Variants in PRKN observed in about 807,000 individuals in gnomAD.
PRKN encodes the protein E3 ubiquitin-protein ligase parkin.
A neutral mutation model predicts 59.5 loss-of-function variants in PRKN; 56 were observed. That is an observed-to-expected ratio of 0.94 (90% CI 0.76 to 1.18). The LOEUF (loss-of-function observed/expected upper bound fraction) is 1.18. Among genes scored for constraint, PRKN ranks in the 50% most tolerant of loss-of-function variants. The probability of loss-of-function intolerance (pLI) is 0.00; values close to 1 mark genes in which losing one functional copy is unlikely to be tolerated. For missense variants in PRKN, 657 were observed against 596.4 expected (o/e 1.10, Z -1.06); for synonymous variants, 250 against 222.1 (o/e 1.13, Z -1.12).
intron 1 of PRKN, among the ~76,000 whole-genome samples, chr6:162,707,722 A>G (rs1778387661): frequency 1.3e-5 from 2 of 152,176 alleles, no homozygotes; most frequent in Admixed American, 1.3e-4. Context: ...CTACAGGTGC[A>G]AGCCACCACG....
intron 4 of PRKN, among the ~76,000 whole-genome samples, chr6:162,114,176 C>T (rs1293251539): frequency 5.9e-5 from 9 of 152,014 alleles, no homozygotes; most frequent in Middle Eastern, 3.2e-3. Context: ...TCTTTTGGCT[C>T]AGGATTGACT....
chr6:162,510,893 A>C (rs2128190362), intron 1 of PRKN, among the ~76,000 whole-genome samples: 1 of 152,192 alleles, frequency 6.6e-6, no homozygotes, highest in African/African-American at 2.4e-5. Flanking sequence ...ACTGCACTCC[A>C]CCCTGGGCAA....
intron 2 of PRKN, among the ~76,000 whole-genome samples, chr6:162,296,348 T>C (rs946166794): frequency 3.3e-5 from 5 of 151,888 alleles, no homozygotes; most frequent in Admixed American, 6.6e-5. Flanking sequence ...CAGCCTCTAC[T>C]GCAGGAGAGG....
At position 161,410,903 on chromosome 6, in the gene PRKN, C is replaced by T. The variant is rs920582158; in HGVS notation, c.1084-24026G>A. Among the ~76,000 whole-genome samples the T allele has an allele frequency of 2.6e-5, 4 of 152,068 alleles. No individual in the cohort carries two copies. Among genetic ancestry groups the T allele is most frequent in the Non-Finnish European group, 4.4e-5 (3 of 68,024 alleles). ...CATAAGAATAACAGAAAGGGCCACT[C>T]GATGGTTTGATCATGTTTACAAAAT... On this transcript the variant is annotated intron_variant, in intron 9 of 11. Transcript: ENST00000366898. This position sits in a 1 kb window ranked among gnomAD's most constrained non-coding sequence, Gnocchi z 5.3.
chr6:161,590,588 C>T (rs778252354), intron 7 of PRKN, among the ~76,000 whole-genome samples: 40 of 152,002 alleles, frequency 2.6e-4, no homozygotes, highest in Non-Finnish European at 4.4e-4. Flanking sequence ...CAAAAATTAG[C>T]CAGATGTGGT....
rs60749549 is a variant in PRKN, at chr6:162,178,986, C to T, written c.534+22145G>A. On this transcript the variant is annotated intron_variant, in intron 4 of 11. Transcript: ENST00000366898. Reference sequence around the variant, plus strand: ...TCCTGGCCTCGAGCGATCCTCCCACCTTTGCCTCTTGGGTAGCAGGGACTA... The same window carrying T: ...TCCTGGCCTCGAGCGATCCTCCCACTTTTGCCTCTTGGGTAGCAGGGACTA... 5.8e-3 allele frequency among the ~76,000 whole-genome samples: 878 copies of T among 152,276 alleles called. 12 individuals carry two copies. The highest frequency in any genetic ancestry group is 0.02 in the African/African-American group (845 of 41,556).
intron 6 of PRKN, among the ~76,000 whole-genome samples, chr6:161,956,245 CTCT>C (rs2128247166): frequency 6.6e-6 from 1 of 152,338 alleles, no homozygotes; most frequent in African/African-American, 2.4e-5. Flanking sequence ...AGGGCCTGTG[CTCT>C]TGATTCCAGC....
In PRKN at chr6:161,409,409, T is replaced by C. The variant is rs1281235085; in HGVS notation, c.1084-22532A>G. Among the ~76,000 whole-genome samples, 1 of 152,132 alleles carries C rather than the reference T, an allele frequency of 6.6e-6. No homozygotes were observed. The highest frequency in any genetic ancestry group is 2.4e-5 in the African/African-American group (1 of 41,418). The stretch of plus-strand genomic sequence containing the variant: ...CTGAGTAGGATTTTCCAGAAGAAAT[T>C]ACCAAATGGCACACAAAAACGCAGT... On this transcript the variant is annotated intron_variant, in intron 9 of 11. Coordinates refer to ENST00000366898, the MANE Select transcript of PRKN (RefSeq NM_004562.3). This position sits in a 1 kb window ranked among gnomAD's most constrained non-coding sequence, Gnocchi z 4.6.
chr6:161,967,527 T>C (rs766008995), intron 6 of PRKN, among the ~76,000 whole-genome samples: 1 of 152,204 alleles, frequency 6.6e-6, no homozygotes, highest in Non-Finnish European at 1.5e-5. Flanking sequence ...CTTTGTGGCA[T>C]TAGAGCACTT....
chr6:162,063,787 C>T (rs1275069500), intron 4 of PRKN, among the ~76,000 whole-genome samples: 3 of 152,312 alleles, frequency 2.0e-5, no homozygotes, highest in African/African-American at 2.4e-5. Flanking sequence ...TCAAAAGATC[C>T]GCCTGCCTTG....
intron 3 of PRKN, among the ~76,000 whole-genome samples, chr6:162,237,265 A>C (rs1358253542): frequency 1.3e-5 from 2 of 152,210 alleles, no homozygotes; most frequent in Non-Finnish European, 2.9e-5. Flanking sequence ...AAAGAATTTT[A>C]AATCATGAAA....
chr6:161,778,427 C>A (rs926440837), intron 7 of PRKN, among the ~76,000 whole-genome samples: 2 of 152,088 alleles, frequency 1.3e-5, no homozygotes, highest in Non-Finnish European at 1.5e-5. Context: ...TGAAAGGAAC[C>A]GATGGCTTTA....
chr6:161,548,759 G>A lies in PRKN; in HGVS notation c.1083+95C>T. Reference sequence around the variant, plus strand: ...GTTCAAAGATGTCTAAGTCCAAAGGGAAAATGAAAATAAAATAAAAATATA... The same window carrying A: ...GTTCAAAGATGTCTAAGTCCAAAGGAAAAATGAAAATAAAATAAAAATATA... On this transcript the variant is annotated intron_variant, in intron 9 of 11. Coordinates refer to ENST00000366898, the MANE Select transcript of PRKN (RefSeq NM_004562.3). The surrounding 1 kb of genome is among the most constrained non-coding windows in gnomAD (Gnocchi z 4.2). 1 of 1,197,248 alleles carries A rather than the reference G, an allele frequency of 8.4e-7. No homozygotes were observed. Among genetic ancestry groups the A allele is most frequent in the Non-Finnish European group, 1.2e-6 (1 of 827,066 alleles). The allele number at this position is 1,197,248 out of a possible 1,614,324, so 74.2% of individuals were successfully genotyped here. A position where few individuals can be genotyped will look rare whatever the true frequency, so the allele number is the denominator to read the frequency against.
At chr6:161,534,062 C>G (rs1779321658) in intron 9 of PRKN, among the ~76,000 whole-genome samples, 1 of 152,066 alleles carries the variant, frequency 6.6e-6, no homozygotes, top group Admixed American at 6.6e-5. Flanking sequence ...CCTGGAAGCC[C>G]TTGCCTGGCC....
intron 6 of PRKN, among the ~76,000 whole-genome samples, chr6:161,913,192 A>T (rs968527441): frequency 6.8e-6 from 1 of 147,546 alleles, no homozygotes; most frequent in South Asian, 2.2e-4. Flanking sequence ...AAAAAAAAAG[A>T]CATGGGATAA....
intron 1 of PRKN, among the ~76,000 whole-genome samples, chr6:162,637,181 C>T (rs1777748898): frequency 2.0e-5 from 3 of 151,676 alleles, no homozygotes; most frequent in Admixed American, 1.3e-4. Context: ...TGCTTGAACC[C>T]GGGAGGCAGA....
chr6:162,018,765 T>C (rs761434035), intron 5 of PRKN, among the ~76,000 whole-genome samples: 10 of 152,218 alleles, frequency 6.6e-5, no homozygotes, highest in Non-Finnish European at 1.5e-4. Context: ...AGTATAGCTC[T>C]CTACCATTAA....
intron 2 of PRKN, among the ~76,000 whole-genome samples, chr6:162,302,997 C>CACACAG (rs1232688515): frequency 1.3e-5 from 2 of 151,680 alleles, no homozygotes; most frequent in South Asian, 2.1e-4. Context: ...CACACACACA[C>CACACAG]ACAGACACAC....
At chr6:161,474,139 C>T (rs1408389995) in intron 9 of PRKN, among the ~76,000 whole-genome samples, 5 of 152,136 alleles carry the variant, frequency 3.3e-5, no homozygotes, top group African/African-American at 9.7e-5. Flanking sequence ...CCTGTGGTGG[C>T]ATGGATTTGT....
Sources: allele counts gnomAD v4.1 joint callset (sites outside exome capture counted in the v4.1 genomes callset), GRCh38; gene constraint gnomAD v4.1.1; non-coding constraint Gnocchi (gnomAD v3.1); transcripts MANE v1.5; gene names NCBI Gene and HGNC (gene_info 2026-07-23, HGNC 2026-07-21).